Variants in AFF3 observed in about 807,000 individuals in gnomAD.
AFF3 encodes ALF transcription elongation factor 3, also known as AF4/FMR2 family member 3.
AFF3 carries 32 observed loss-of-function variants against 129.7 expected under a neutral mutation model. That is an observed-to-expected ratio of 0.25 (90% CI 0.19 to 0.33). AFF3 has a LOEUF of 0.33. Ranked by LOEUF, AFF3 falls within the 10% of genes least tolerant of loss-of-function variation. AFF3 has a pLI of 1.00. For synonymous variants in AFF3, 644 were observed against 635.4 expected (o/e 1.01, Z -0.20); for missense variants, 1,373 against 1,592.0 (o/e 0.86, Z 2.34).
At chr2:99,773,989 C>A (rs985761342) in intron 8 of AFF3, among the ~76,000 whole-genome samples, 1 of 152,136 alleles carries the variant, frequency 6.6e-6, no homozygotes, top group African/African-American at 2.4e-5. Context: ...TTCACAACTG[C>A]CACAAAGAGA....
Position 99,689,058 on chromosome 2 carries a change from G to A in AFF3, c.1092-16469C>T, listed in dbSNP as rs1318358300. Among the ~76,000 whole-genome samples, 7 of 152,084 alleles carry A rather than the reference G, an allele frequency of 4.6e-5. No homozygotes were observed. The East Asian group carries it at 1.4e-3, about 29-fold the overall frequency. ...CTCCCTACAGACAACAAAACTCCTA[G>A]CAGTGTCCATCTTATTTCTCAAGCT... On this transcript the variant is annotated intron_variant, in intron 11 of 24. Transcript: ENST00000672756.
At chr2:99,805,128 C>G (rs1308153105) in intron 8 of AFF3, among the ~76,000 whole-genome samples, 1 of 152,032 alleles carries the variant, frequency 6.6e-6, no homozygotes, top group Admixed American at 6.6e-5. Context: ...TAATTGACAG[C>G]AAATAATGAG....
intron 1 of AFF3, among the ~76,000 whole-genome samples, chr2:100,134,727 C>T (rs1356207912): frequency 2.0e-5 from 3 of 152,288 alleles, no homozygotes; most frequent in South Asian, 2.1e-4. Context: ...AGTTAGACAG[C>T]GTCTCAATAT....
At chr2:99,692,515 G>C (rs1675774714) in intron 11 of AFF3, among the ~76,000 whole-genome samples, 1 of 152,172 alleles carries the variant, frequency 6.6e-6, no homozygotes, top group Non-Finnish European at 1.5e-5. Flanking sequence ...AGAAGGTTAG[G>C]AGGGGAGTGG....
chr2:99,720,134 T>C (rs1212332518), intron 11 of AFF3, among the ~76,000 whole-genome samples: 2 of 152,242 alleles, frequency 1.3e-5, no homozygotes, highest in African/African-American at 2.4e-5. Context: ...AATCTTTTCC[T>C]TTTAATTGGA....
intron 7 of AFF3, among the ~76,000 whole-genome samples, chr2:100,000,043 G>A (rs2104670971): frequency 6.6e-6 from 1 of 152,306 alleles, no homozygotes; most frequent in East Asian, 1.9e-4. Flanking sequence ...GCACCAGGGA[G>A]ACTCCATTTT....
At chr2:100,068,922 T>C (rs1687949372) in intron 4 of AFF3, among the ~76,000 whole-genome samples, 1 of 152,116 alleles carries the variant, frequency 6.6e-6, no homozygotes, top group African/African-American at 2.4e-5. Context: ...ACTTTGGGTA[T>C]TTTTTTCTCC....
intron 8 of AFF3, among the ~76,000 whole-genome samples, chr2:99,752,815 A>G (rs935675123): frequency 6.6e-6 from 1 of 152,220 alleles, no homozygotes. Context: ...GAAAAAACAA[A>G]TCACGCCTAT....
At position 99,818,443 on chromosome 2, in the gene AFF3, T is replaced by C. The variant is rs554166815; in HGVS notation, c.921+19034A>G. ...CCGACAATCCTTCATCCATGGTAAA[T>C]GAATGTCAATCAATTTCCCCTCCTG... On this transcript the variant is annotated intron_variant, in intron 8 of 24. Coordinates refer to ENST00000672756, the MANE Select transcript of AFF3 (RefSeq NM_001386135.1). Among the ~76,000 whole-genome samples, 6 of 152,310 alleles carry C rather than the reference T, an allele frequency of 3.9e-5. No individual in the cohort carries two copies. The East Asian group carries it at 1.2e-3, about 29-fold the overall frequency.
intron 4 of AFF3, among the ~76,000 whole-genome samples, chr2:100,033,553 A>G (rs1398581717): frequency 6.6e-6 from 1 of 152,232 alleles, no homozygotes; most frequent in Non-Finnish European, 1.5e-5. Context: ...TGACATTTCT[A>G]TGAAACACAG....
chr2:99,594,195 T>G lies in AFF3; in HGVS notation c.1466A>C (p.His489Pro), dbSNP rs764739550. 5 of 1,613,996 alleles carry G rather than the reference T, an allele frequency of 3.1e-6. No individual in the cohort carries two copies. The African/African-American group carries it at 6.7e-5, about 22-fold the overall frequency. Reference protein sequence around the residue: ...KPPILIQNESHGSESNQYYNP... With the variant: ...KPPILIQNESPGSESNQYYNP... ...GTAGTACTGATTGCTCTCTGACCCG[T>G]GGCTTTCATTTTGGATCAGAATAGG... is the stretch of plus-strand genomic sequence containing the variant. Residue 489 changes from histidine to proline, a missense_variant, in exon 15 of 25, where the codon CAC becomes CCC. Physicochemically the swap from His to Pro is moderately conservative, Grantham distance 77 (BLOSUM62 -2). Coordinates refer to ENST00000672756, the MANE Select transcript of AFF3 (RefSeq NM_001386135.1).
chr2:99,669,043 G>A (rs556382718), intron 12 of AFF3, among the ~76,000 whole-genome samples: 1 of 152,324 alleles, frequency 6.6e-6, no homozygotes, highest in East Asian at 1.9e-4. Flanking sequence ...AGGATGTAGA[G>A]CAACTGAAAT....
At chr2:99,880,304 T>C (rs1416266295) in intron 7 of AFF3, among the ~76,000 whole-genome samples, 1 of 152,226 alleles carries the variant, frequency 6.6e-6, no homozygotes, top group African/African-American at 2.4e-5. Flanking sequence ...CACGCGCCCC[T>C]GGAGAGCCCA....
At chr2:99,703,341 G>A (rs953367805) in intron 11 of AFF3, among the ~76,000 whole-genome samples, 1 of 152,190 alleles carries the variant, frequency 6.6e-6, no homozygotes, top group Non-Finnish European at 1.5e-5. Context: ...AGGTTTTGGG[G>A]ATGAGCATGT....
At chr2:99,575,946 C>T (rs1273153547) in intron 18 of AFF3, among the ~76,000 whole-genome samples, 3 of 152,088 alleles carry the variant, frequency 2.0e-5, no homozygotes, top group Admixed American at 2.0e-4. Flanking sequence ...CACGGTGGCT[C>T]ACGCCTATAA....
At chr2:100,065,094 A>G (rs1257042114) in intron 4 of AFF3, among the ~76,000 whole-genome samples, 2 of 152,238 alleles carry the variant, frequency 1.3e-5, no homozygotes, top group African/African-American at 4.8e-5. Flanking sequence ...CCTGCTAGCT[A>G]TTATCCATCA....
Position 99,837,530 on chromosome 2 carries a change from A to T in AFF3, c.874-6T>A. Reference sequence around the variant, plus strand: ...GTTTCTCCAGATCTACTCTCCTGAAAGCAAAGAAAAAAAAATTAAGCCTGA... The same window carrying T: ...GTTTCTCCAGATCTACTCTCCTGAATGCAAAGAAAAAAAAATTAAGCCTGA... On this transcript the variant is annotated splice_region_variant and splice_polypyrimidine_tract_variant and intron_variant, in intron 7 of 24. Coordinates refer to ENST00000672756, the MANE Select transcript of AFF3 (RefSeq NM_001386135.1). 2 of 1,613,016 alleles carry T rather than the reference A, an allele frequency of 1.2e-6. No homozygotes were observed. The highest frequency in any genetic ancestry group is 1.7e-6 in the Non-Finnish European group (2 of 1,179,598).
At chr2:99,605,138 C>T (rs1031783563) in intron 13 of AFF3, among the ~76,000 whole-genome samples, 2 of 152,206 alleles carry the variant, frequency 1.3e-5, no homozygotes, top group Admixed American at 6.5e-5. Context: ...GCAGCATCTC[C>T]GATCTGAATT....
chr2:99,625,770 C>G (rs1255641079), intron 13 of AFF3, among the ~76,000 whole-genome samples: 1 of 152,194 alleles, frequency 6.6e-6, no homozygotes, highest in African/African-American at 2.4e-5. Context: ...AAGTAAAGCA[C>G]TGATAAAATA....
Sources: allele counts gnomAD v4.1 joint callset (sites outside exome capture counted in the v4.1 genomes callset), GRCh38; gene constraint gnomAD v4.1.1; transcripts MANE v1.5; gene names NCBI Gene and HGNC (gene_info 2026-07-23, HGNC 2026-07-21).